TNFSF4: variants seen among roughly 807,000 people sequenced by gnomAD.
TNFSF4 encodes the protein tumor necrosis factor ligand superfamily member 4.
A neutral mutation model predicts 7.3 loss-of-function variants in TNFSF4; 4 were observed. The observed-to-expected ratio is 0.55, with a 90% CI of 0.27 to 1.25. The LOEUF is 1.25. Ranked by LOEUF, TNFSF4 falls within the 50% of genes most tolerant of loss-of-function variation. The pLI is 0.12. For synonymous variants in TNFSF4, 76 were observed against 83.7 expected (o/e 0.91, Z 0.50); for missense variants, 181 against 208.8 (o/e 0.87, Z 0.82).
At chr1:173,264,192 G>A in the TNFSF4 span, among the ~76,000 whole-genome samples, 1 of 152,018 alleles carries the variant, frequency 6.6e-6, no homozygotes, top group South Asian at 2.1e-4. Flanking sequence ...CACCCAGGCT[G>A]AAGTACAATG....
At position 173,198,031 on chromosome 1, in the gene TNFSF4, GA is replaced by G. The variant is rs201257703; in HGVS notation, c.153+8992del. Reference sequence around the variant, plus strand: ...CATAATAAAAGTTCAATGTAGAGAAGAAAAAAAAAGAAATTGGCCCATTCAT... The same window carrying G: ...CATAATAAAAGTTCAATGTAGAGAAGAAAAAAAAGAAATTGGCCCATTCAT... On this transcript the variant is annotated intron_variant, in intron 1 of 2. Transcript: ENST00000281834. Among the ~76,000 whole-genome samples the G allele has an allele frequency of 5.1e-4, 76 of 150,102 alleles. 1 individual carries two copies. The East Asian group carries it at 0.013, about 25-fold the overall frequency.
the TNFSF4 span, among the ~76,000 whole-genome samples, chr1:173,353,127 G>T: frequency 6.6e-6 from 1 of 152,108 alleles, no homozygotes; most frequent in Non-Finnish European, 1.5e-5. Flanking sequence ...AACAATTTGT[G>T]CAGTCAACGC....
At chr1:173,262,260 G>T in the TNFSF4 span, among the ~76,000 whole-genome samples, 1 of 152,074 alleles carries the variant, frequency 6.6e-6, no homozygotes, top group African/African-American at 2.4e-5. Flanking sequence ...TGCAGAAAAG[G>T]CTTTCACTAA....
the TNFSF4 span, among the ~76,000 whole-genome samples, chr1:173,450,369 T>C: frequency 6.6e-6 from 1 of 152,068 alleles, no homozygotes; most frequent in African/African-American, 2.4e-5. Flanking sequence ...GAAGAAATAA[T>C]AATTTTACAT....
At chr1:173,323,810 G>T in the TNFSF4 span, among the ~76,000 whole-genome samples, 1 of 152,006 alleles carries the variant, frequency 6.6e-6, no homozygotes, top group Non-Finnish European at 1.5e-5. Context: ...GAAGTTTAGA[G>T]AAAAAAGAAT....
At chr1:173,255,634 A>G in the TNFSF4 span, among the ~76,000 whole-genome samples, 2 of 152,214 alleles carry the variant, frequency 1.3e-5, no homozygotes, top group African/African-American at 4.8e-5. Flanking sequence ...ACAAAAATAG[A>G]CAGTTTACAC....
At chr1:173,364,225 G>GTATATA in the TNFSF4 span, among the ~76,000 whole-genome samples, 8,619 of 143,396 alleles carry the variant, frequency 0.06, 432 homozygotes, top group South Asian at 0.19. Context: ...AGAAGACTAG[G>GTATATA]TATATATATA....
the TNFSF4 span, among the ~76,000 whole-genome samples, chr1:173,442,840 T>C: frequency 1.3e-5 from 2 of 151,936 alleles, no homozygotes; most frequent in Admixed American, 6.6e-5. Context: ...TGAGCCACTG[T>C]GCCCGGCCTA....
At chr1:173,238,800 G>T in the TNFSF4 span, among the ~76,000 whole-genome samples, 1 of 152,156 alleles carries the variant, frequency 6.6e-6, no homozygotes, top group South Asian at 2.1e-4. Flanking sequence ...ATACACTGCT[G>T]GTGGGAGTGT....
the TNFSF4 span, among the ~76,000 whole-genome samples, chr1:173,265,182 G>T: frequency 5.9e-5 from 9 of 152,178 alleles, no homozygotes; most frequent in African/African-American, 2.2e-4. Flanking sequence ...TGAGAGATGT[G>T]AATTTATTTT....
the TNFSF4 span, among the ~76,000 whole-genome samples, chr1:173,257,427 T>C: frequency 2.0e-5 from 3 of 152,220 alleles, no homozygotes; most frequent in Admixed American, 6.5e-5. Context: ...AAGGGTACAG[T>C]CCTTTACAAG....
chr1:173,380,634 C>G, the TNFSF4 span, among the ~76,000 whole-genome samples: 1 of 152,136 alleles, frequency 6.6e-6, no homozygotes, highest in Non-Finnish European at 1.5e-5. Flanking sequence ...GCGTCCCCAC[C>G]ACTAGTGAAT....
the TNFSF4 span, among the ~76,000 whole-genome samples, chr1:173,340,932 G>A: frequency 0.015 from 2,274 of 152,272 alleles, 57 homozygotes; most frequent in African/African-American, 0.052. Flanking sequence ...AGTCATGGGA[G>A]GAACTCGATG....
the TNFSF4 span, among the ~76,000 whole-genome samples, chr1:173,235,537 C>T: frequency 1.3e-5 from 2 of 152,162 alleles, no homozygotes; most frequent in African/African-American, 2.4e-5. Context: ...TTGAACTTGA[C>T]ACATGAGTTG....
At chr1:173,334,572 T>G in the TNFSF4 span, among the ~76,000 whole-genome samples, 1 of 152,188 alleles carries the variant, frequency 6.6e-6, no homozygotes, top group African/African-American at 2.4e-5. Context: ...CAACACAAGT[T>G]GAACTTTCAG....
chr1:173,378,384 T>C, the TNFSF4 span, among the ~76,000 whole-genome samples: 79 of 152,238 alleles, frequency 5.2e-4, no homozygotes, highest in Non-Finnish European at 9.3e-4. Context: ...TGTGGGTCCT[T>C]GGGCAGGGGG....
At chr1:173,333,056 G>A in the TNFSF4 span, among the ~76,000 whole-genome samples, 12 of 152,238 alleles carry the variant, frequency 7.9e-5, no homozygotes, top group Middle Eastern at 3.4e-3. Context: ...GCGATATCAC[G>A]CAGTGGCCAG....
At chr1:173,399,990 G>A in the TNFSF4 span, among the ~76,000 whole-genome samples, 1 of 152,180 alleles carries the variant, frequency 6.6e-6, no homozygotes, top group Non-Finnish European at 1.5e-5. Flanking sequence ...CATGGAAGGG[G>A]CAGTGTTTTG....
At chr1:173,231,577 T>C in the TNFSF4 span, among the ~76,000 whole-genome samples, 1 of 152,194 alleles carries the variant, frequency 6.6e-6, no homozygotes, top group African/African-American at 2.4e-5. Flanking sequence ...TTCAACGTAG[T>C]GTTGGAAGTC....
Sources: gnomAD v4.1 joint callset for allele counts (sites outside exome capture counted in the v4.1 genomes callset) on GRCh38, gnomAD v4.1.1 for gene constraint, MANE v1.5 for transcripts, NCBI Gene and HGNC (gene_info 2026-07-23, HGNC 2026-07-21) for gene names.